Variants in PCNT observed in about 807,000 individuals in gnomAD.
PCNT encodes the protein pericentrin.
Under a neutral mutation model 380.4 loss-of-function variants are expected in PCNT, and 319 were observed. That is an observed-to-expected ratio of 0.84 (90% CI 0.77 to 0.92). The LOEUF (loss-of-function observed/expected upper bound fraction) is 0.92. Among genes scored for constraint, PCNT ranks in the 40% least tolerant of loss-of-function variants. The pLI, the probability that PCNT is intolerant of heterozygous loss-of-function variation, is 0.00. For missense variants in PCNT, 4,400 were observed against 4,255.3 expected, an observed-to-expected ratio of 1.03 and a Z score of -0.95; for synonymous variants, 1,845 against 1,735.2, an observed-to-expected ratio of 1.06 and a Z score of -1.57.
At chr21:46,327,072 T>C (rs1056777740) in intron 2 of PCNT, among the ~76,000 whole-genome samples, 1 of 151,830 alleles carries the variant, frequency 6.6e-6, no homozygotes, top group Admixed American at 6.6e-5. Flanking sequence ...TTATTTTTTA[T>C]TTTTTTGAGA....
chr21:46,431,808 C>A lies in PCNT; in HGVS notation c.8344C>A (p.Gln2782Lys). ...SQRTQEACVH[Q>K]DTQAHHALLQ... ...GAGGACACAGGAGGCTTGCGTGCAC[C>A]AGGACACACAGGCCCATCACGCTCT... The change falls in exon 38 of 47, where the codon CAG becomes AAG. Residue 2782 changes from glutamine to lysine, a missense_variant. Coordinates refer to ENST00000359568, the MANE Select transcript of PCNT (RefSeq NM_006031.6). 6 of 1,613,650 alleles carry A rather than the reference C, an allele frequency of 3.7e-6. No homozygotes were observed. The highest frequency in any genetic ancestry group is 5.1e-6 in the Non-Finnish European group (6 of 1,180,040).
At position 46,366,635 on chromosome 21, in the gene PCNT, T is replaced by A. The variant is rs771018462; in HGVS notation, c.2661T>A (p.Asp887Glu). The A allele has an allele frequency of 6.2e-7, 1 of 1,613,888 alleles. No homozygotes were observed. Among genetic ancestry groups the A allele is most frequent in the Admixed American group, 1.7e-5 (1 of 60,002 alleles). Residue 887 changes from aspartate to glutamate, a missense_variant, in exon 15 of 47, where the codon GAT (aspartate) becomes GAA (glutamate). Asp to Glu is a conservative substitution (Grantham distance 45). Transcript: ENST00000359568. ...EITEKFSAEQ[D>E]AFLQEAQEQH... ...CCGAGAAATTCAGTGCGGAACAAGATGCCTTCCTGCAGGAGGCCCAGGAGC... is the reference window on the plus strand; with the variant it reads ...CCGAGAAATTCAGTGCGGAACAAGAAGCCTTCCTGCAGGAGGCCCAGGAGC...
rs768559108 is a variant in PCNT, at chr21:46,346,219, G to A, written c.720+11G>A. 5.6e-6 allele frequency: 9 copies of A among 1,612,990 alleles called. No individual in the cohort carries two copies. Among genetic ancestry groups the A allele is most frequent in the South Asian group, 4.4e-5 (4 of 91,052 alleles). On this transcript the variant is annotated intron_variant, in intron 4 of 46. Transcript: ENST00000359568. ...CTGCATCAGAGTCAGGTGACCCGGC[G>A]GGGCCTGCACAGGCTCACAGCATGG...
At chr21:46,355,647 C>T (rs375406047) in intron 12 of PCNT, 21 bp downstream of exon 12, 6 of 1,612,360 alleles carry the variant, frequency 3.7e-6, no homozygotes, top group Non-Finnish European at 5.1e-6. Flanking sequence ...CCCGCCTCGC[C>T]ATGGTGTCGG....
Position 46,349,806 on chromosome 21 carries a change from G to T in PCNT, c.1330G>T (p.Glu444Ter). 1 of 1,614,174 alleles carries T rather than the reference G, an allele frequency of 6.2e-7. No homozygotes were observed. The highest frequency in any genetic ancestry group is 8.5e-7 in the Non-Finnish European group (1 of 1,179,990). ...LEFKFKESEK[E>*]KQLELENLQA... ...GTTCAAGTTCAAAGAGAGCGAGAAA[G>T]AAAAACAGCTGGAGGTGGGCAGCAG... is the stretch of plus-strand genomic sequence containing the variant. Residue 444 changes from glutamate to a stop codon, truncating the protein, a stop_gained, in exon 8 of 47, where the codon GAA becomes TAA. Transcript: ENST00000359568. LOFTEE classifies it high-confidence loss of function.
At chr21:46,375,747 C>A (rs1385636981) in intron 15 of PCNT, among the ~76,000 whole-genome samples, 1 of 152,226 alleles carries the variant, frequency 6.6e-6, no homozygotes, top group African/African-American at 2.4e-5. Context: ...ACCTGCCCAG[C>A]CCTGCCCGAC....
chr21:46,404,669 T>C (rs2147559676), intron 27 of PCNT, among the ~76,000 whole-genome samples: 1 of 152,292 alleles, frequency 6.6e-6, no homozygotes, highest in South Asian at 2.1e-4. Flanking sequence ...TTTTATCAGT[T>C]GGGCACGGTG....
intron 3 of PCNT, among the ~76,000 whole-genome samples, chr21:46,339,334 C>T (rs894700486): frequency 2.0e-5 from 3 of 152,128 alleles, no homozygotes; most frequent in African/African-American, 2.4e-5. Context: ...GCCGTGGCCA[C>T]CCTGAAGGCT....
In PCNT at chr21:46,346,119, T is replaced by A; in HGVS notation, c.640-9T>A. 5.6e-6 allele frequency: 9 copies of A among 1,613,886 alleles called. No homozygotes were observed. The East Asian group carries it at 2.0e-4, about 36-fold the overall frequency. ...TTCTGGACCTACATTCTTTGCCTTT[T>A]TTCCCCAGGAGTGTGAACAAGAATG... On this transcript the variant is annotated splice_polypyrimidine_tract_variant and intron_variant, in intron 3 of 46. Coordinates refer to ENST00000359568, the MANE Select transcript of PCNT (RefSeq NM_006031.6).
chr21:46,332,340 A>G (rs2146324183), intron 2 of PCNT, among the ~76,000 whole-genome samples: 1 of 152,356 alleles, frequency 6.6e-6, no homozygotes, highest in East Asian at 1.9e-4. Flanking sequence ...ACCATTTATC[A>G]TCTAGATTTC....
intron 15 of PCNT, among the ~76,000 whole-genome samples, chr21:46,376,171 G>C (rs1376892256): frequency 6.6e-6 from 1 of 152,204 alleles, no homozygotes; most frequent in African/African-American, 2.4e-5. Flanking sequence ...CCTGAGTGGG[G>C]CGTAGTTTGG....
intron 15 of PCNT, among the ~76,000 whole-genome samples, chr21:46,369,008 G>C (rs558133894): frequency 6.6e-6 from 1 of 152,362 alleles, no homozygotes; most frequent in East Asian, 1.9e-4. Context: ...TGTAAGAACA[G>C]GAGAAAAGTG....
intron 2 of PCNT, among the ~76,000 whole-genome samples, chr21:46,329,926 G>T (rs879191121): frequency 1.3e-5 from 2 of 152,084 alleles, no homozygotes; most frequent in African/African-American, 2.4e-5. Flanking sequence ...ATCTCACATC[G>T]TCATCCTGAA....
In PCNT at chr21:46,332,182, A is replaced by G. The variant is rs192460324; in HGVS notation, c.268-2215A>G. On this transcript the variant is annotated intron_variant, in intron 2 of 46. Coordinates refer to ENST00000359568, the MANE Select transcript of PCNT (RefSeq NM_006031.6). ...TCTCCAAAAAAAAGAGAACCATCCA[A>G]AAATTGCTCAGAGGTCAAGAATTTC... Among the ~76,000 whole-genome samples, 317 of 152,306 alleles carry G rather than the reference A, an allele frequency of 2.1e-3. 3 individuals carry two copies. Among genetic ancestry groups the G allele is most frequent in the Middle Eastern group, 0.02 (6 of 294 alleles).
chr21:46,386,068 T>C lies in PCNT; in HGVS notation c.3464+85T>C, dbSNP rs1041169315. Reference sequence around the variant, plus strand: ...AGATGCCATTGGTCCCCACGGCTCCTGGCCCCGTGGCTGCTGCCACCATGC... The same window carrying C: ...AGATGCCATTGGTCCCCACGGCTCCCGGCCCCGTGGCTGCTGCCACCATGC... On this transcript the variant is annotated intron_variant, in intron 17 of 46. Transcript: ENST00000359568. 14 of 1,532,218 alleles carry C rather than the reference T, an allele frequency of 9.1e-6. No individual in the cohort carries two copies. In the African/African-American group the frequency reaches 1.9e-4, roughly 21 times the overall value. The allele number at this position is 1,532,218 out of a possible 1,614,324, so 94.9% of individuals were successfully genotyped here. A position where few individuals can be genotyped will look rare whatever the true frequency, so the allele number is the denominator to read the frequency against.
At chr21:46,334,329 G>A (rs1014519051) in intron 2 of PCNT, 68 bp from the exon 3 acceptor site, 1 of 1,610,388 alleles carries the variant, frequency 6.2e-7, no homozygotes, top group Non-Finnish European at 8.5e-7. Flanking sequence ...TAGAGGAGCT[G>A]GGAAGGGCCT....
chr21:46,427,961 A>T (rs555608300), intron 34 of PCNT, among the ~76,000 whole-genome samples, 166 bp downstream of exon 34: 1 of 152,208 alleles, frequency 6.6e-6, no homozygotes, highest in Non-Finnish European at 1.5e-5. Flanking sequence ...TCCATGCAGG[A>T]TGCTGCACTT....
intron 46 of PCNT, 113 bp downstream of exon 46, chr21:46,444,934 G>A: frequency 2.0e-6 from 2 of 989,476 alleles, no homozygotes; most frequent in Non-Finnish European, 3.2e-6. Context: ...GTTTCAGTCT[G>A]AACAATCAGT....
rs1240081659 is a variant in PCNT, at chr21:46,399,272, TGGG to T, written c.4585-317_4585-315del. On this transcript the variant is annotated intron_variant, in intron 24 of 46. Transcript: ENST00000359568. ...GGTCTCCCTGTGCAGCCTGTGGGTC[TGGG>T]TCTCTGTTCAGCCTGTGAGTCTGGG... Among the ~76,000 whole-genome samples, 387 of 150,092 alleles carry T rather than the reference TGGG, an allele frequency of 2.6e-3. 5 individuals are homozygous for T. The highest frequency in any genetic ancestry group is 6.9e-3 in the Middle Eastern group (2 of 288).
Sources: allele counts gnomAD v4.1 joint callset (sites outside exome capture counted in the v4.1 genomes callset), GRCh38; gene constraint gnomAD v4.1.1; transcripts MANE v1.5; gene names NCBI Gene and HGNC (gene_info 2026-07-23, HGNC 2026-07-21).